Variants in ITGB6 observed in about 807,000 individuals in gnomAD.
ITGB6 encodes integrin subunit beta 6.
Under a neutral mutation model 84.5 loss-of-function variants are expected in ITGB6, and 80 were observed. The observed-to-expected ratio is 0.95, with a 90% CI of 0.79 to 1.14. The LOEUF is 1.14. Ranked by LOEUF, ITGB6 falls within the 50% of genes most tolerant of loss-of-function variation. ITGB6 has a pLI of 0.00. For synonymous variants in ITGB6, 383 were observed against 354.9 expected (o/e 1.08, Z -0.89); for missense variants, 1,006 against 968.0 (o/e 1.04, Z -0.52).
chr2:160,157,050 C>T (rs1235539893), intron 7 of ITGB6, among the ~76,000 whole-genome samples: 1 of 152,140 alleles, frequency 6.6e-6, no homozygotes, highest in Non-Finnish European at 1.5e-5. Flanking sequence ...CTTCTGGCAG[C>T]AATCCTTGGA....
intron 8 of ITGB6, among the ~76,000 whole-genome samples, chr2:160,140,227 T>C (rs2105822534): frequency 6.6e-6 from 1 of 152,324 alleles, no homozygotes; most frequent in Middle Eastern, 3.4e-3. Context: ...AAAGCTCCAA[T>C]AATAACTCCA....
In ITGB6 at chr2:160,169,243, G is replaced by C. The variant is rs760420082; in HGVS notation, c.986C>G (p.Ala329Gly). 2 of 1,603,546 alleles carry C rather than the reference G, an allele frequency of 1.2e-6. No individual in the cohort carries two copies. The highest frequency in any genetic ancestry group is 1.7e-6 in the Non-Finnish European group (2 of 1,175,920). ...LVQNNVLLIF[A>G]VTQEQVHLYE... ...TAAATGAACTTGTTCTTGGGTTACA[G>C]CGAAGATCAATAACACGTTGTTTTG... The change falls in exon 7 of 15, where the codon GCT becomes GGT. Residue 329 changes from alanine to glycine, a missense_variant. Ala to Gly is a moderately conservative substitution (Grantham distance 60). Transcript: ENST00000283249.
chr2:160,166,803 A>G lies in ITGB6; in HGVS notation c.1017+2409T>C, dbSNP rs577008324. On this transcript the variant is annotated intron_variant, in intron 7 of 14. Coordinates refer to ENST00000283249, the MANE Select transcript of ITGB6 (RefSeq NM_000888.5). ...GGGGTGCACACTACAGCCATACTGAACTGAAGCAAAACTGCTTACTTTATC... is the reference window on the plus strand; with the variant it reads ...GGGGTGCACACTACAGCCATACTGAGCTGAAGCAAAACTGCTTACTTTATC... Among the ~76,000 whole-genome samples the G allele has an allele frequency of 2.6e-5, 4 of 152,292 alleles. No homozygotes were observed. The South Asian group carries it at 8.3e-4, about 32-fold the overall frequency.
Position 160,123,791 on chromosome 2 carries a change from C to G in ITGB6, c.1981G>C (p.Asp661His). Residue 661 changes from aspartate (D) to histidine (H), a missense_variant and splice_region_variant, in exon 12 of 15, where the codon GAT becomes CAT. Asp to His is a moderately conservative substitution (Grantham distance 81). Coordinates refer to ENST00000283249, the MANE Select transcript of ITGB6 (RefSeq NM_000888.5). The part of the protein sequence containing the change: ...LAGATISEEE[D>H]FSKDGSVSCS... ...AAAAACAATTTAAGACAAGCAGAAC[C>G]TTCTTCTTCACTGATGGTCGCACCA... The G allele has an allele frequency of 6.2e-7, 1 of 1,611,442 alleles. No individual in the cohort carries two copies. Among genetic ancestry groups the G allele is most frequent in the Non-Finnish European group, 8.5e-7 (1 of 1,177,788 alleles).
At chr2:160,104,820 A>G (rs1438886108) in intron 14 of ITGB6, among the ~76,000 whole-genome samples, 1 of 152,248 alleles carries the variant, frequency 6.6e-6, no homozygotes, top group Non-Finnish European at 1.5e-5. Flanking sequence ...TTTTTAAAGC[A>G]TAATAAAAAA....
rs35720878 is a variant in ITGB6, at chr2:160,137,289, A to T, written c.1660+145T>A. 0.66 allele frequency: 456,054 copies of T among 692,512 alleles called. 152,476 individuals are homozygous for T. The highest frequency in any genetic ancestry group is 0.75 in the Admixed American group (26,036 of 34,874). The allele number at this position is 692,512 out of a possible 1,614,324, so 42.9% of individuals were successfully genotyped here. A position where few individuals can be genotyped will look rare whatever the true frequency, so the allele number is the denominator to read the frequency against. On this transcript the variant is annotated intron_variant, in intron 10 of 14. Transcript: ENST00000283249. ...AGAGCCAGAAAACCTACAAGAGAAGATTCAGTTACCCTAGGTCTAAGGCTG... is the reference window on the plus strand; with the variant it reads ...AGAGCCAGAAAACCTACAAGAGAAGTTTCAGTTACCCTAGGTCTAAGGCTG...
chr2:160,167,348 G>A, intron 7 of ITGB6, among the ~76,000 whole-genome samples: 1 of 152,086 alleles, frequency 6.6e-6, no homozygotes, highest in East Asian at 1.9e-4. Context: ...TTATCTTTAG[G>A]CCAGGCTGCT....
intron 4 of ITGB6, among the ~76,000 whole-genome samples, chr2:160,182,890 C>G (rs950876469): frequency 6.6e-6 from 1 of 152,132 alleles, no homozygotes; most frequent in Non-Finnish European, 1.5e-5. Context: ...TCTCGCCAAA[C>G]TGAGCTTCAT....
At chr2:160,171,180 C>T (rs529257321) in intron 6 of ITGB6, among the ~76,000 whole-genome samples, 3 of 152,008 alleles carry the variant, frequency 2.0e-5, no homozygotes, top group South Asian at 2.1e-4. Context: ...TCTAGGTTCC[C>T]GTCTCCCTCT....
chr2:160,169,706 A>C (rs1685134382), intron 6 of ITGB6, among the ~76,000 whole-genome samples: 1 of 152,204 alleles, frequency 6.6e-6, no homozygotes, highest in African/African-American at 2.4e-5. Context: ...GTTGGACTAT[A>C]ATATACATGA....
At position 160,101,827 on chromosome 2, in the gene ITGB6, T is replaced by C. The variant is rs1182898881; in HGVS notation, c.2276A>G (p.Asn759Ser). The C allele has an allele frequency of 3.4e-6, 5 of 1,477,946 alleles. No individual in the cohort carries two copies. The highest frequency in any genetic ancestry group is 4.5e-6 in the Non-Finnish European group (5 of 1,106,570). The allele number at this position is 1,477,946 out of a possible 1,614,324, so 91.6% of individuals were successfully genotyped here. The change falls in exon 15 of 15, where the codon AAT (asparagine) becomes AGT (serine). Residue 759 changes from asparagine to serine, a missense_variant. Asn to Ser is a conservative substitution (Grantham distance 46). Transcript: ENST00000283249. ...ACTTGTGGATCCTCTGTAGAGTGGATTGGTTCCCTGGAAAAAAAAAAAAGA... is the reference window on the plus strand; with the variant it reads ...ACTTGTGGATCCTCTGTAGAGTGGACTGGTTCCCTGGAAAAAAAAAAAAGA... ...RSKAKWQTGT[N>S]PLYRGSTSTF...
In ITGB6 at chr2:160,100,875, TTAAAG is replaced by T. The variant is rs966751990; in HGVS notation, c.*856_*860del. Reference sequence around the variant, plus strand: ...ATCGCTCTTTGAATAAACTAAGCATTTAAAGTAATTTTTTTTTAAAAAGAAACTTT... The same window carrying T: ...ATCGCTCTTTGAATAAACTAAGCATTTAATTTTTTTTTAAAAAGAAACTTT... On this transcript the variant is annotated 3_prime_UTR_variant, in exon 15 of 15. Coordinates refer to ENST00000283249, the MANE Select transcript of ITGB6 (RefSeq NM_000888.5). 6.6e-6 allele frequency: 1 copy of T among 152,220 alleles called. No individual in the cohort carries two copies. The highest frequency in any genetic ancestry group is 2.4e-5 in the African/African-American group (1 of 41,466). The allele number at this position is 152,220 out of a possible 1,614,324, so 9.4% of individuals were successfully genotyped here.
chr2:160,120,254 C>G (rs1185580978), intron 12 of ITGB6, among the ~76,000 whole-genome samples: 1 of 150,748 alleles, frequency 6.6e-6, no homozygotes, highest in Non-Finnish European at 1.5e-5. Flanking sequence ...ATAGCAAAGA[C>G]TTGGAACCAA....
chr2:160,195,671 TACTGGCC>T, intron 3 of ITGB6, 56 bp from the exon 4 acceptor site: 1 of 1,601,570 alleles, frequency 6.2e-7, no homozygotes, highest in South Asian at 1.1e-5. Context: ...ATTTATTTGC[TACTGGCC>T]ACTCGCTGGG....
chr2:160,116,259 A>G (rs572733222), intron 12 of ITGB6, among the ~76,000 whole-genome samples: 1 of 152,174 alleles, frequency 6.6e-6, no homozygotes, highest in Admixed American at 6.5e-5. Flanking sequence ...GGGCAGCCAG[A>G]GAGAAAGGTT....
intron 12 of ITGB6, among the ~76,000 whole-genome samples, chr2:160,116,591 A>C (rs1187972305): frequency 6.6e-6 from 1 of 152,200 alleles, no homozygotes; most frequent in Non-Finnish European, 1.5e-5. Context: ...AAGGCTAGGA[A>C]GAAACTGCAT....
intron 12 of ITGB6, among the ~76,000 whole-genome samples, chr2:160,117,905 G>C (rs1682856764): frequency 6.6e-6 from 1 of 152,164 alleles, no homozygotes; most frequent in African/African-American, 2.4e-5. Flanking sequence ...AAATAAACTG[G>C]AAAATCTAGA....
In ITGB6 at chr2:160,196,311, A is replaced by T; in HGVS notation, c.251T>A (p.Ile84Lys). 1 of 1,614,082 alleles carries T rather than the reference A, an allele frequency of 6.2e-7. No individual in the cohort carries two copies. The highest frequency in any genetic ancestry group is 8.5e-7 in the Non-Finnish European group (1 of 1,179,970). Residue 84 changes from isoleucine to lysine, a missense_variant, in exon 3 of 15, where the codon ATA becomes AAA. Transcript: ENST00000283249. Reference protein sequence around the residue: ...FIENPVSQVEILKNKPLSVGR... With the variant: ...FIENPVSQVEKLKNKPLSVGR... Reference sequence around the variant, plus strand: ...TACACTGAGAGGCTTATTTTTAAGTATTTCTACTTGGGAGACAGGGTTTTC... The same window carrying T: ...TACACTGAGAGGCTTATTTTTAAGTTTTTCTACTTGGGAGACAGGGTTTTC...
chr2:160,148,883 G>A (rs1043889993), intron 7 of ITGB6, among the ~76,000 whole-genome samples: 1 of 152,240 alleles, frequency 6.6e-6, no homozygotes, highest in Non-Finnish European at 1.5e-5. Flanking sequence ...CGAGACAGCA[G>A]CCTGGCTGGG....
Sources: gnomAD v4.1 joint callset for allele counts (sites outside exome capture counted in the v4.1 genomes callset) on GRCh38, gnomAD v4.1.1 for gene constraint, MANE v1.5 for transcripts, NCBI Gene and HGNC (gene_info 2026-07-23, HGNC 2026-07-21) for gene names.